AATK: variants seen among roughly 807,000 people sequenced by gnomAD.
AATK encodes lemur tail kinase 1.
In AATK, 91 loss-of-function variants were observed where a neutral mutation model predicts 114.3. The observed-to-expected ratio is 0.80, with a 90% CI of 0.67 to 0.95. AATK has a LOEUF of 0.95. AATK is among the 40% of genes least tolerant of loss of function. AATK has a pLI of 0.00. For missense variants in AATK, 2,176 were observed against 1,965.2 expected (o/e 1.11, Z -2.03); for synonymous variants, 1,075 against 916.5 (o/e 1.17, Z -3.12).
Position 81,120,555 on chromosome 17 carries a change from C to T in AATK, c.3381G>A (p.Pro1127=), listed in dbSNP as rs1056627786. ...FQGPPGLLSG[P]APQKRMGGPG... ...GGCCCCCCATCCGCTTTTGTGGGGC[C>T]GGCCCTGACAACAGTCCTGGGGGCC... The change falls in exon 11 of 14, where the codon CCG becomes CCA. Residue 1127 remains proline, a synonymous_variant. Coordinates refer to ENST00000326724, the MANE Select transcript of AATK (RefSeq NM_001080395.3). The T allele has an allele frequency of 6.0e-6, 9 of 1,504,030 alleles. No individual in the cohort carries two copies. Among genetic ancestry groups the T allele is most frequent in the East Asian group, 2.4e-5 (1 of 41,078 alleles). The allele number at this position is 1,504,030 out of a possible 1,614,324, so 93.2% of individuals were successfully genotyped here. A position where few individuals can be genotyped will look rare whatever the true frequency, so the allele number is the denominator to read the frequency against.
In AATK at chr17:81,126,176, G is replaced by A. The variant is rs549919663; in HGVS notation, c.755+251C>T. Among the ~76,000 whole-genome samples, 1 of 152,312 alleles carries A rather than the reference G, an allele frequency of 6.6e-6. No homozygotes were observed. The highest frequency in any genetic ancestry group is 2.4e-5 in the African/African-American group (1 of 41,574). On this transcript the variant is annotated intron_variant, in intron 7 of 13. Coordinates refer to ENST00000326724, the MANE Select transcript of AATK (RefSeq NM_001080395.3). This position sits in a 1 kb window ranked among gnomAD's most constrained non-coding sequence, Gnocchi z 5.1. ...GCAGGGTGCTGGCTGACTGCCTCGG[G>A]GACAGAGAACAGGCCAGCTTGACAG...
intron 1 of AATK, 56 bp downstream of exon 1, chr17:81,165,880 CAT>C: frequency 2.6e-6 from 4 of 1,548,238 alleles, no homozygotes; most frequent in Non-Finnish European, 2.6e-6. Context: ...GGCCCAGGGG[CAT>C]CACGTCCGCA....
chr17:81,147,103 C>T (rs1287338773), intron 1 of AATK, among the ~76,000 whole-genome samples: 1 of 151,592 alleles, frequency 6.6e-6, no homozygotes, highest in Non-Finnish European at 1.5e-5. Flanking sequence ...TGGCTCCCGC[C>T]TGTAATCTCA....
At chr17:81,133,038 C>A (rs2060958397) in intron 2 of AATK, 1 of 318,126 alleles carries the variant, frequency 3.1e-6, no homozygotes, top group Admixed American at 4.4e-5. Context: ...CCTCGGGATC[C>A]CCAGGAAGGC....
intron 1 of AATK, among the ~76,000 whole-genome samples, chr17:81,156,481 T>G (rs2061368685): frequency 6.6e-6 from 1 of 152,190 alleles, no homozygotes; most frequent in African/African-American, 2.4e-5. Context: ...CACTGCAAGC[T>G]CCGCCTCCCG....
At chr17:81,138,584 A>T (rs1313372380) in intron 1 of AATK, among the ~76,000 whole-genome samples, 2 of 139,396 alleles carry the variant, frequency 1.4e-5, no homozygotes, top group Admixed American at 1.4e-4. Context: ...GCACATACCC[A>T]CACACGTGCA....
chr17:81,151,072 C>T (rs1207113354), intron 1 of AATK, among the ~76,000 whole-genome samples: 1 of 152,190 alleles, frequency 6.6e-6, no homozygotes, highest in Non-Finnish European at 1.5e-5. Flanking sequence ...AAGGGGTACT[C>T]TGTGCCCCCC....
chr17:81,131,153 G>T lies in AATK; in HGVS notation c.242C>A (p.Ser81Tyr). 6.3e-7 allele frequency: 1 copy of T among 1,577,488 alleles called. No homozygotes were observed. Among genetic ancestry groups the T allele is most frequent in the East Asian group, 2.3e-5 (1 of 42,718 alleles). Residue 81 changes from serine (S) to tyrosine (Y), a missense_variant, in exon 3 of 14, where the codon TCC becomes TAC. Coordinates refer to ENST00000326724, the MANE Select transcript of AATK (RefSeq NM_001080395.3). The part of the protein sequence containing the change: ...DEYAADLAQG[S>Y]PATAAQNGPD... ...CCCGTTCTGTGCTGCCGTGGCCGGGGAGCCCTGCGCCAGGTCGGCTGCGTA... is the reference window on the plus strand; with the variant it reads ...CCCGTTCTGTGCTGCCGTGGCCGGGTAGCCCTGCGCCAGGTCGGCTGCGTA...
intron 1 of AATK, among the ~76,000 whole-genome samples, chr17:81,143,220 A>G (rs2061163980): frequency 6.6e-6 from 1 of 150,548 alleles, no homozygotes; most frequent in Admixed American, 6.6e-5. Flanking sequence ...CGCAACGTGC[A>G]CACGTCCCAG....
chr17:81,128,999 C>T, intron 3 of AATK: 2 of 876,094 alleles, frequency 2.3e-6, no homozygotes, highest in African/African-American at 1.8e-5. Context: ...TTGTTGGGGG[C>T]TGCTTGGCAC....
rs1398094795 is a variant in AATK at position 81,122,016 on chromosome 17, C to T, written c.1920G>A (p.Glu640=). ...CCAAAGGGGACGTGCCCAGTGGGTC[C>T]TCGAAGAAGGCAGGACAGAAGGCGG... The part of the protein sequence containing the change: ...GVAAFCPAFF[E]DPLGTSPLGS... Residue 640 remains glutamate, a synonymous_variant, in exon 11 of 14, where the codon GAG becomes GAA. Transcript: ENST00000326724. The T allele has an allele frequency of 2.5e-6, 4 of 1,600,960 alleles. No individual in the cohort carries two copies. In the Admixed American group the frequency reaches 6.7e-5, roughly 27 times the overall value.
Position 81,157,896 on chromosome 17 carries a change from G to A in AATK, c.55+8042C>T, listed in dbSNP as rs139343080. Among the ~76,000 whole-genome samples the A allele has an allele frequency of 6.3e-3, 967 of 152,300 alleles. 11 individuals are homozygous for A. Among genetic ancestry groups the A allele is most frequent in the African/African-American group, 0.022 (927 of 41,544 alleles). On this transcript the variant is annotated intron_variant, in intron 1 of 13. Coordinates refer to ENST00000326724, the MANE Select transcript of AATK (RefSeq NM_001080395.3). ...CCCCAACACCTTGGCCCTCGGTCCCGCTCTTCGTGGGGGCCTACCCTCCTG... is the reference window on the plus strand; with the variant it reads ...CCCCAACACCTTGGCCCTCGGTCCCACTCTTCGTGGGGGCCTACCCTCCTG...
intron 13 of AATK, 143 bp from the exon 14 acceptor site, chr17:81,118,585 A>AGAT: frequency 1.2e-6 from 1 of 807,182 alleles, no homozygotes; most frequent in Non-Finnish European, 2.0e-6. Flanking sequence ...TCTAGGTGAG[A>AGAT]GATGGACCCA....
In AATK at chr17:81,119,971, G is replaced by C; in HGVS notation, c.3848C>G (p.Ala1283Gly). ...TGTGGAGCCATTTGGGGAGCCATCA[G>C]CCTGCTGCGGCCGGTTGGGGGCGCT... Reference protein sequence around the residue: ...SPSAPNRPQQADGSPNGSTAE... With the variant: ...SPSAPNRPQQGDGSPNGSTAE... Residue 1283 changes from alanine to glycine, a missense_variant, in exon 12 of 14, where the codon GCT (alanine) becomes GGT (glycine). Ala to Gly is a moderately conservative substitution (Grantham distance 60). This residue lies in a region of AATK where 1,701 missense variants were observed against 1,394.7 expected (regional missense o/e 1.22). Transcript: ENST00000326724. 6.9e-7 allele frequency: 1 copy of C among 1,450,272 alleles called. No individual in the cohort carries two copies. 89.8% of individuals were successfully genotyped at this position (1,450,272 alleles called of 1,614,324 possible). A position where few individuals can be genotyped will look rare whatever the true frequency, so the allele number is the denominator to read the frequency against.
Position 81,121,817 on chromosome 17 carries a change from C to T in AATK, c.2119G>A (p.Gly707Ser), listed in dbSNP as rs765636578. Residue 707 changes from glycine to serine, a missense_variant, in exon 11 of 14, where the codon GGC (glycine) becomes AGC (serine). Physicochemically the swap from Gly to Ser is moderately conservative, Grantham distance 56. Coordinates refer to ENST00000326724, the MANE Select transcript of AATK (RefSeq NM_001080395.3). ...DPVSAGGHAE[G>S]CPSPKQTPRA... The stretch of plus-strand genomic sequence containing the variant: ...GGGGTCTGCTTTGGACTGGGGCAGC[C>T]CTCAGCGTGGCCGCCCGCAGAGACG... 75 of 1,588,040 alleles carry T rather than the reference C, an allele frequency of 4.7e-5. No homozygotes were observed. In the East Asian group the frequency reaches 7.5e-4, roughly 16 times the overall value.
rs767738101 is a variant in AATK at position 81,119,567 on chromosome 17, C to T, written c.3897G>A (p.Ala1299=). ...GSTAEEGGGF[A]WDDDFPLMTA... is the part of the protein sequence containing the mutation. ...TCATCAGCGGGAAGTCGTCGTCCCA[C>T]GCGAACCCACCACCTGCAGCCCAGG... The change falls in exon 13 of 14, where the codon GCG becomes GCA. Residue 1299 remains alanine (A), a synonymous_variant. Coordinates refer to ENST00000326724, the MANE Select transcript of AATK (RefSeq NM_001080395.3). 3.9e-5 allele frequency: 61 copies of T among 1,574,288 alleles called. No homozygotes were observed. The highest frequency in any genetic ancestry group is 5.1e-5 in the Non-Finnish European group (59 of 1,162,748).
chr17:81,130,002 A>C (rs1333936655), intron 3 of AATK, among the ~76,000 whole-genome samples: 1 of 152,200 alleles, frequency 6.6e-6, no homozygotes, highest in African/African-American at 2.4e-5. Context: ...GGCCCTCTCT[A>C]GGTCCCAGAC....
At chr17:81,152,563 C>T (rs913757165) in intron 1 of AATK, among the ~76,000 whole-genome samples, 1 of 152,126 alleles carries the variant, frequency 6.6e-6, no homozygotes, top group Admixed American at 6.6e-5. Context: ...CAGCTTGGGC[C>T]ACAGAGCAAA....
Position 81,131,060 on chromosome 17 carries a change from C to T in AATK, c.334+1G>A, listed in dbSNP as rs1179030806. The T allele has an allele frequency of 2.6e-6, 4 of 1,550,672 alleles. No individual in the cohort carries two copies. Among genetic ancestry groups the T allele is most frequent in the Non-Finnish European group, 3.5e-6 (4 of 1,148,052 alleles). ...ACCCCATCTCCCCACCCAGCCCTCA[C>T]CTGAGCGCCCAGGCTGCTTGGCCAT... On this transcript the variant is annotated splice_donor_variant, in intron 3 of 13. Coordinates refer to ENST00000326724, the MANE Select transcript of AATK (RefSeq NM_001080395.3). LOFTEE classifies it high-confidence loss of function.
Sources: gnomAD v4.1 joint callset for allele counts (sites outside exome capture counted in the v4.1 genomes callset) on GRCh38, gnomAD v4.1.1 for gene constraint, gnomAD v4.1.1 regional missense constraint, Gnocchi (gnomAD v3.1) non-coding constraint, MANE v1.5 for transcripts, NCBI Gene and HGNC (gene_info 2026-07-23, HGNC 2026-07-21) for gene names.